HIVEP2: variants seen among roughly 807,000 people sequenced by gnomAD.
HIVEP2 encodes transcription factor HIVEP2.
HIVEP2 carries 14 observed loss-of-function variants against 180.7 expected under a neutral mutation model. The observed-to-expected ratio is 0.08, with a 90% CI of 0.05 to 0.12. HIVEP2 has a LOEUF of 0.12. Ranked by LOEUF, HIVEP2 falls within the 10% of genes least tolerant of loss-of-function variation. HIVEP2 has a pLI of 1.00. For synonymous variants in HIVEP2, 1,184 were observed against 1,136.4 expected (o/e 1.04, Z -0.84); for missense variants, 2,579 against 3,008.5 (o/e 0.86, Z 3.34).
At chr6:142,890,043 A>C (rs1187101018) in intron 1 of HIVEP2, among the ~76,000 whole-genome samples, 1 of 152,176 alleles carries the variant, frequency 6.6e-6, no homozygotes, top group African/African-American at 2.4e-5. Context: ...CCTTTCCCCA[A>C]AATCAGTCTT....
intron 2 of HIVEP2, among the ~76,000 whole-genome samples, chr6:142,791,119 G>A (rs889611954): frequency 2.0e-5 from 3 of 152,156 alleles, no homozygotes; most frequent in Non-Finnish European, 4.4e-5. Context: ...GTGTGCCTGT[G>A]TAGAGATATA....
chr6:142,845,997 T>C (rs1193015874), intron 1 of HIVEP2, among the ~76,000 whole-genome samples: 2 of 152,182 alleles, frequency 1.3e-5, no homozygotes, highest in Non-Finnish European at 2.9e-5. Context: ...TCGAAATGTA[T>C]ATTGCAGACA....
chr6:142,797,438 T>C (rs1369660672), intron 2 of HIVEP2, among the ~76,000 whole-genome samples: 1 of 152,178 alleles, frequency 6.6e-6, no homozygotes, highest in Non-Finnish European at 1.5e-5. Flanking sequence ...TTTAAGCTAA[T>C]AAGGGCATAA....
chr6:142,762,585 A>G (rs1033216664), intron 7 of HIVEP2, among the ~76,000 whole-genome samples: 5 of 152,144 alleles, frequency 3.3e-5, no homozygotes, highest in Admixed American at 3.3e-4. Context: ...CAGTGAAAAT[A>G]GCCATAATGT....
At chr6:142,803,328 T>A (rs1296186779) in intron 2 of HIVEP2, among the ~76,000 whole-genome samples, 1 of 151,036 alleles carries the variant, frequency 6.6e-6, no homozygotes, top group Non-Finnish European at 1.5e-5. Context: ...TTTCTGCTAT[T>A]TTTTCTGACT....
At position 142,793,677 on chromosome 6, in the gene HIVEP2, C is replaced by CTTTTTTTTTTCTTTCTTTCTT. The variant is rs1554279295; in HGVS notation, c.-527-10063_-527-10062insAAGAAAGAAAGAAAAAAAAAA. 8.0e-5 allele frequency among the ~76,000 whole-genome samples: 10 copies of CTTTTTTTTTTCTTTCTTTCTT among 125,128 alleles called. No individual in the cohort carries two copies. In the East Asian group the frequency reaches 8.1e-4, roughly 10 times the overall value. 82.1% of individuals were successfully genotyped at this position (125,128 alleles called of 152,430 possible). ...CTTTCTTTTTTCTTTCTTTCTTTCT[C>CTTTTTTTTTTCTTTCTTTCTT]TCTCTCTCTCTCTCTCTCTCTGTCT... On this transcript the variant is annotated intron_variant, in intron 2 of 9. Coordinates refer to ENST00000367603, the MANE Select transcript of HIVEP2 (RefSeq NM_006734.4).
rs546272994 is a variant in HIVEP2, at chr6:142,928,309, G to A, written c.-641+16790C>T. On this transcript the variant is annotated intron_variant, in intron 1 of 9. Coordinates refer to ENST00000367603, the MANE Select transcript of HIVEP2 (RefSeq NM_006734.4). The stretch of plus-strand genomic sequence containing the variant: ...TTATGAGTATCCTGATACTTAAAAT[G>A]TGCATTGCATTGTAACCTATGAATT... Among the ~76,000 whole-genome samples, 8 of 152,264 alleles carry A rather than the reference G, an allele frequency of 5.3e-5. No individual in the cohort carries two copies. The South Asian group carries it at 6.2e-4, about 12-fold the overall frequency.
At chr6:142,911,579 C>T (rs958542783) in intron 1 of HIVEP2, among the ~76,000 whole-genome samples, 2 of 152,152 alleles carry the variant, frequency 1.3e-5, no homozygotes, top group Non-Finnish European at 2.9e-5. Flanking sequence ...TCATCTGAGA[C>T]CCTTTTTTGC....
intron 2 of HIVEP2, among the ~76,000 whole-genome samples, chr6:142,800,546 G>T (rs1030133452): frequency 6.6e-6 from 1 of 152,102 alleles, no homozygotes; most frequent in Admixed American, 6.6e-5. Flanking sequence ...TACATTTTCT[G>T]CTTAGAGTGA....
chr6:142,856,246 C>T (rs562778325), intron 1 of HIVEP2, among the ~76,000 whole-genome samples: 4 of 94,564 alleles, frequency 4.2e-5, no homozygotes, highest in Admixed American at 9.3e-5. Flanking sequence ...CCCAGTTCCA[C>T]CTACTGCACC....
chr6:142,870,191 TTGAACATTTTTATACAGCAGAGAA>T, intron 1 of HIVEP2, among the ~76,000 whole-genome samples: 1 of 151,948 alleles, frequency 6.6e-6, no homozygotes, highest in African/African-American at 2.4e-5. Context: ...TATTATTGAC[TTGAACATTTTTATACAGCAGAGAA>T]GGACCCATGG....
At chr6:142,889,960 CTACAGCACTG>C (rs1331823471) in intron 1 of HIVEP2, among the ~76,000 whole-genome samples, 1 of 152,082 alleles carries the variant, frequency 6.6e-6, no homozygotes, top group Non-Finnish European at 1.5e-5. Context: ...GTCTGGGTGG[CTACAGCACTG>C]GACAGCACAG....
At chr6:142,840,131 C>T (rs1272770373) in intron 1 of HIVEP2, among the ~76,000 whole-genome samples, 1 of 152,068 alleles carries the variant, frequency 6.6e-6, no homozygotes, top group Non-Finnish European at 1.5e-5. Flanking sequence ...ACAATCAACT[C>T]GTCTCTTCAC....
intron 9 of HIVEP2, among the ~76,000 whole-genome samples, chr6:142,756,971 T>C (rs1471123410): frequency 1.3e-5 from 2 of 152,200 alleles, no homozygotes; most frequent in African/African-American, 4.8e-5. Flanking sequence ...ATAGAACTGG[T>C]ATATAGATGT....
chr6:142,914,214 A>T, intron 1 of HIVEP2, among the ~76,000 whole-genome samples: 1 of 152,222 alleles, frequency 6.6e-6, no homozygotes, highest in East Asian at 1.9e-4. Flanking sequence ...GTGGTCTACC[A>T]ATTCTAAGAC....
In HIVEP2 at chr6:142,783,580, T is replaced by C. The variant is rs1165454616; in HGVS notation, c.-492A>G. On this transcript the variant is annotated 5_prime_UTR_variant, in exon 3 of 10. Coordinates refer to ENST00000367603, the MANE Select transcript of HIVEP2 (RefSeq NM_006734.4). ...CGTCTTTGATTTCCAAGATGCCAAC[T>C]CTCCTCACAGGAACTCATGCACAAC... 2 of 152,088 alleles carry C rather than the reference T, an allele frequency of 1.3e-5. No individual in the cohort carries two copies. The highest frequency in any genetic ancestry group is 2.9e-5 in the Non-Finnish European group (2 of 68,008). The allele number at this position is 152,088 out of a possible 1,614,324, so 9.4% of individuals were successfully genotyped here. A position where few individuals can be genotyped will look rare whatever the true frequency, so the allele number is the denominator to read the frequency against.
chr6:142,887,053 T>C (rs1776715835), intron 1 of HIVEP2, among the ~76,000 whole-genome samples: 2 of 152,210 alleles, frequency 1.3e-5, no homozygotes, highest in East Asian at 1.9e-4. Flanking sequence ...TGCCCTCTAG[T>C]TGATCATTGC....
chr6:142,828,555 G>T (rs1774981702), intron 2 of HIVEP2, among the ~76,000 whole-genome samples: 1 of 151,874 alleles, frequency 6.6e-6, no homozygotes, highest in South Asian at 2.1e-4. Flanking sequence ...TCCTGCCTCA[G>T]CCTCCCCAGT....
intron 2 of HIVEP2, among the ~76,000 whole-genome samples, chr6:142,787,579 A>G (rs1776034153): frequency 6.6e-6 from 1 of 151,678 alleles, no homozygotes. Flanking sequence ...AAAAAAAAAA[A>G]AAAAGACTCT....
Sources: gnomAD v4.1 joint callset for allele counts (sites outside exome capture counted in the v4.1 genomes callset) on GRCh38, gnomAD v4.1.1 for gene constraint, MANE v1.5 for transcripts, NCBI Gene and HGNC (gene_info 2026-07-23, HGNC 2026-07-21) for gene names.